Variants in GPC6 observed in about 807,000 individuals in gnomAD.
GPC6 encodes the protein glypican 6.
Under a neutral mutation model 55.2 loss-of-function variants are expected in GPC6, and 14 were observed. That is an observed-to-expected ratio of 0.25 (90% confidence interval 0.17 to 0.40). The LOEUF is 0.40. Among genes scored for constraint, GPC6 ranks in the 10% least tolerant of loss-of-function variants. The probability of loss-of-function intolerance (pLI) is 1.00; values close to 1 mark genes in which losing one functional copy is unlikely to be tolerated. For synonymous variants in GPC6, 278 were observed against 259.6 expected, an observed-to-expected ratio of 1.07 and a Z score of -0.68; for missense variants, 641 against 708.5, an observed-to-expected ratio of 0.90 and a Z score of 1.08.
chr13:93,314,174 A>C (rs1879164945), intron 1 of GPC6, among the ~76,000 whole-genome samples: 1 of 152,118 alleles, frequency 6.6e-6, no homozygotes, highest in Non-Finnish European at 1.5e-5. Context: ...TGCATAAAAG[A>C]ATTTTTTTTC....
At chr13:93,324,007 C>T (rs754995410) in intron 1 of GPC6, among the ~76,000 whole-genome samples, 6 of 152,110 alleles carry the variant, frequency 3.9e-5, no homozygotes, top group Non-Finnish European at 7.4e-5. Context: ...TTTGTTACAG[C>T]CCTGTTCACA....
intron 2 of GPC6, among the ~76,000 whole-genome samples, chr13:93,595,908 TG>T (rs1877707963): frequency 6.6e-6 from 1 of 152,202 alleles, no homozygotes; most frequent in South Asian, 2.1e-4. Context: ...TTTAAAAAGA[TG>T]TATAAATATT....
chr13:93,386,096 G>GT (rs1349557941), intron 1 of GPC6, among the ~76,000 whole-genome samples: 1 of 66,330 alleles, frequency 1.5e-5, no homozygotes, highest in Admixed American at 1.8e-4. Context: ...TGACCACTTT[G>GT]TTAAAAAAAA....
chr13:94,312,638 C>T (rs2139119612), intron 6 of GPC6, among the ~76,000 whole-genome samples: 1 of 152,214 alleles, frequency 6.6e-6, no homozygotes, highest in East Asian at 1.9e-4. Flanking sequence ...AGACCTTCAG[C>T]CACTGTGTTT....
At chr13:94,006,139 C>T (rs1305016833) in intron 3 of GPC6, among the ~76,000 whole-genome samples, 3 of 152,134 alleles carry the variant, frequency 2.0e-5, no homozygotes, top group Admixed American at 6.5e-5. Context: ...CCAGAATCCC[C>T]ATTTAACTAT....
At chr13:93,342,787 A>G (rs1051335213) in intron 1 of GPC6, among the ~76,000 whole-genome samples, 4 of 152,202 alleles carry the variant, frequency 2.6e-5, no homozygotes, top group Non-Finnish European at 4.4e-5. Context: ...GGAAATAAGG[A>G]TGGAACTTAA....
At chr13:93,276,491 AGAGAGTGTGTGTGTGTGT>A (rs1451823564) in intron 1 of GPC6, among the ~76,000 whole-genome samples, 6 of 128,628 alleles carry the variant, frequency 4.7e-5, no homozygotes, top group Admixed American at 7.6e-5. Context: ...AGAGAGAGAG[AGAGAGTGTGTGTGTGTGT>A]GTGTGTGTGT....
chr13:93,566,070 C>G (rs1396817214), intron 2 of GPC6, among the ~76,000 whole-genome samples: 1 of 152,022 alleles, frequency 6.6e-6, no homozygotes, highest in Admixed American at 6.6e-5. Context: ...GAACTAAGAC[C>G]ATAAACTGAT....
intron 3 of GPC6, among the ~76,000 whole-genome samples, chr13:93,873,029 C>T (rs1889177630): frequency 6.6e-6 from 1 of 151,354 alleles, no homozygotes; most frequent in South Asian, 2.1e-4. Context: ...AACAATAATA[C>T]AACAAAATGT....
intron 4 of GPC6, among the ~76,000 whole-genome samples, chr13:94,234,892 T>G (rs945438977): frequency 6.6e-6 from 1 of 152,168 alleles, no homozygotes; most frequent in Non-Finnish European, 1.5e-5. Flanking sequence ...ATTCCACTTA[T>G]ATGAGTTATG....
At chr13:93,476,891 C>G (rs960421366) in intron 1 of GPC6, among the ~76,000 whole-genome samples, 1 of 152,050 alleles carries the variant, frequency 6.6e-6, no homozygotes, top group African/African-American at 2.4e-5. Context: ...TTCTTGAAGC[C>G]TATTCCAATA....
rs564663743 is a variant in GPC6 at position 94,329,175 on chromosome 13, A to T, written c.1152+23052A>T. Among the ~76,000 whole-genome samples, 3 of 152,354 alleles carry T rather than the reference A, an allele frequency of 2.0e-5. No individual in the cohort carries two copies. The East Asian group carries it at 5.8e-4, about 29-fold the overall frequency. ...CCCAAAATGGAGCCAGAGAGGGACA[A>T]AATAAAGAAACTAAAATGTCCTCAA... On this transcript the variant is annotated intron_variant, in intron 6 of 8. Transcript: ENST00000377047.
chr13:93,565,235 A>T (rs987206368), intron 2 of GPC6, among the ~76,000 whole-genome samples: 2 of 152,138 alleles, frequency 1.3e-5, no homozygotes, highest in Non-Finnish European at 2.9e-5. Context: ...AGCAGCACTC[A>T]GTGTAACATT....
At chr13:93,979,444 C>G (rs936850484) in intron 3 of GPC6, among the ~76,000 whole-genome samples, 1 of 151,240 alleles carries the variant, frequency 6.6e-6, no homozygotes, top group Admixed American at 6.6e-5. Context: ...TTTCCACTTT[C>G]CTGATGCTTT....
intron 4 of GPC6, among the ~76,000 whole-genome samples, chr13:94,136,378 A>C (rs1043954834): frequency 6.6e-6 from 1 of 152,166 alleles, no homozygotes; most frequent in Non-Finnish European, 1.5e-5. Context: ...AAGGGTGTGC[A>C]TGGACTGGAT....
At chr13:94,114,349 C>T (rs1050702573) in intron 4 of GPC6, among the ~76,000 whole-genome samples, 1 of 151,964 alleles carries the variant, frequency 6.6e-6, no homozygotes, top group Non-Finnish European at 1.5e-5. Flanking sequence ...GATCATATGG[C>T]CTTGGCTTTG....
At chr13:93,664,216 T>C (rs1306776786) in intron 2 of GPC6, among the ~76,000 whole-genome samples, 1 of 152,196 alleles carries the variant, frequency 6.6e-6, no homozygotes, top group African/African-American at 2.4e-5. Flanking sequence ...TAGGGAGCAA[T>C]TCTCAAACTC....
At chr13:94,243,069 G>C (rs976729829) in intron 4 of GPC6, among the ~76,000 whole-genome samples, 4 of 152,060 alleles carry the variant, frequency 2.6e-5, no homozygotes, top group Non-Finnish European at 5.9e-5. Flanking sequence ...CAGTGCCATG[G>C]CTATTAATGA....
intron 4 of GPC6, among the ~76,000 whole-genome samples, chr13:94,249,379 A>G (rs1594096969): frequency 3.3e-5 from 5 of 152,316 alleles, no homozygotes; most frequent in African/African-American, 2.4e-5. Context: ...TCAAAGGGAT[A>G]GGTGAGTGAA....
Sources: gnomAD v4.1 joint callset for allele counts (sites outside exome capture counted in the v4.1 genomes callset) on GRCh38, gnomAD v4.1.1 for gene constraint, MANE v1.5 for transcripts, NCBI Gene and HGNC (gene_info 2026-07-23, HGNC 2026-07-21) for gene names.